SOS1: variants seen among roughly 807,000 people sequenced by gnomAD.
The protein encoded by SOS1 is son of sevenless homolog 1.
SOS1 carries 25 observed loss-of-function variants against 157.6 expected under a neutral mutation model. The ratio of observed to expected loss-of-function variants is 0.16; its 90% CI spans 0.12 to 0.22. The LOEUF (loss-of-function observed/expected upper bound fraction) is 0.22, where lower values mean the gene tolerates loss of function less well. Among genes scored for constraint, SOS1 ranks in the 10% least tolerant of loss-of-function variants. The probability of loss-of-function intolerance (pLI) is 1.00; values close to 1 mark genes in which losing one functional copy is unlikely to be tolerated. For missense variants in SOS1, 1,237 were observed against 1,599.1 expected, an observed-to-expected ratio of 0.77 and a Z score of 3.86; for synonymous variants, 528 against 534.0, an observed-to-expected ratio of 0.99 and a Z score of 0.16.
At chr2:39,023,630 C>T (rs10166801) in intron 9 of SOS1, 222,175 of 239,454 alleles carry the variant, frequency 0.93, 103,280 homozygotes, top group African/African-American at 0.97. Context: ...ATATTATAAT[C>T]AGGAAAGTGG....
At chr2:39,023,764 C>G in intron 9 of SOS1, 1 of 457,008 alleles carries the variant, frequency 2.2e-6, no homozygotes, top group Non-Finnish European at 3.9e-6. Flanking sequence ...TACTCTGTCT[C>G]TCCTTCAGCT....
chr2:39,051,115 C>T, intron 6 of SOS1, 29 bp downstream of exon 6: 1 of 1,609,858 alleles, frequency 6.2e-7, no homozygotes, highest in Non-Finnish European at 8.5e-7. Context: ...TTTATGCAGA[C>T]TTTTCGGGTA....
intron 1 of SOS1, among the ~76,000 whole-genome samples, chr2:39,078,667 A>C (rs935282025): frequency 1.3e-5 from 2 of 152,132 alleles, no homozygotes; most frequent in African/African-American, 4.8e-5. Flanking sequence ...ACCTTATGAG[A>C]ATCTAATGCC....
At chr2:39,032,626 A>G (rs1209991700) in intron 8 of SOS1, among the ~76,000 whole-genome samples, 1 of 152,194 alleles carries the variant, frequency 6.6e-6, no homozygotes, top group East Asian at 1.9e-4. Context: ...GGCAGACAAT[A>G]AAAATGGAAC....
intron 10 of SOS1, among the ~76,000 whole-genome samples, chr2:39,018,691 G>T (rs1206212377): frequency 6.6e-6 from 1 of 151,580 alleles, no homozygotes; most frequent in Non-Finnish European, 1.5e-5. Flanking sequence ...AATGAAATTT[G>T]TATTTATTAC....
chr2:39,015,019 T>G (rs1050136018), intron 10 of SOS1, among the ~76,000 whole-genome samples, 173 bp from the exon 11 acceptor site: 12 of 152,082 alleles, frequency 7.9e-5, no homozygotes, highest in African/African-American at 2.4e-4. Context: ...CCTCCTAAAT[T>G]AGTGGTGATA....
At chr2:38,990,630 T>C (rs1668703634) in intron 20 of SOS1, among the ~76,000 whole-genome samples, 2 of 152,094 alleles carry the variant, frequency 1.3e-5, no homozygotes, top group African/African-American at 4.8e-5. Flanking sequence ...CTCAAGAACA[T>C]GATAGTACAC....
intron 1 of SOS1, among the ~76,000 whole-genome samples, chr2:39,115,404 CTCTT>C (rs1300946400): frequency 1.7e-4 from 17 of 97,500 alleles, no homozygotes; most frequent in East Asian, 9.8e-4. Context: ...TTTGTTCTCT[CTCTT>C]TTTTTTTTTT....
At chr2:39,109,103 G>A (rs1221704545) in intron 1 of SOS1, among the ~76,000 whole-genome samples, 2 of 152,198 alleles carry the variant, frequency 1.3e-5, no homozygotes, top group African/African-American at 2.4e-5. Context: ...GAAGGCTAAG[G>A]TGGGAGGATT....
intron 19 of SOS1, among the ~76,000 whole-genome samples, chr2:38,995,924 A>G (rs1423932680): frequency 6.6e-6 from 1 of 152,186 alleles, no homozygotes; most frequent in African/African-American, 2.4e-5. Context: ...ATTGGATCAG[A>G]TTATATACCT....
intron 8 of SOS1, among the ~76,000 whole-genome samples, chr2:39,030,070 G>A (rs1284968424): frequency 1.3e-5 from 2 of 151,954 alleles, no homozygotes; most frequent in Non-Finnish European, 2.9e-5. Flanking sequence ...TACTTGTGAG[G>A]CTGAGGAATC....
intron 20 of SOS1, chr2:38,993,720 G>A (rs1668801827): frequency 6.6e-6 from 1 of 152,168 alleles, no homozygotes; most frequent in South Asian, 2.1e-4. Context: ...TGACAAACCA[G>A]AAATTCTAAC....
At chr2:39,122,812 G>A (rs1199916014), upstream of SOS1, among the ~76,000 whole-genome samples, 1 of 151,856 alleles carries the variant, frequency 6.6e-6, no homozygotes, top group Non-Finnish European at 1.5e-5. Flanking sequence ...CCAAAATGCT[G>A]TGATTACAAG....
chr2:39,045,007 ATTAC>A (rs1254391419), intron 6 of SOS1, among the ~76,000 whole-genome samples: 3 of 152,152 alleles, frequency 2.0e-5, no homozygotes, highest in Non-Finnish European at 2.9e-5. Flanking sequence ...GATTCCCTAT[ATTAC>A]TTCTATCTAA....
chr2:39,005,975 A>G (rs1367719396), intron 17 of SOS1, among the ~76,000 whole-genome samples: 1 of 152,120 alleles, frequency 6.6e-6, no homozygotes, highest in Admixed American at 6.5e-5. Context: ...CTGATGCAGA[A>G]GGGGAAAAAT....
At chr2:39,046,144 G>C (rs1413982777) in intron 6 of SOS1, among the ~76,000 whole-genome samples, 1 of 151,888 alleles carries the variant, frequency 6.6e-6, no homozygotes, top group East Asian at 1.9e-4. Context: ...CATTGTTTTT[G>C]TTTGCTTCAT....
intron 1 of SOS1, among the ~76,000 whole-genome samples, chr2:39,089,163 A>G (rs920625187): frequency 3.9e-5 from 6 of 152,194 alleles, no homozygotes; most frequent in Non-Finnish European, 8.8e-5. Context: ...CACTGATTCA[A>G]TATTAGGCAG....
chr2:39,039,136 T>A (rs1386007385), intron 6 of SOS1, among the ~76,000 whole-genome samples: 1 of 152,212 alleles, frequency 6.6e-6, no homozygotes, highest in Non-Finnish European at 1.5e-5. Flanking sequence ...GGTATATATG[T>A]TGTTTTAGAC....
At chr2:39,032,884 G>C (rs760412771) in intron 8 of SOS1, among the ~76,000 whole-genome samples, 2 of 152,004 alleles carry the variant, frequency 1.3e-5, no homozygotes, top group Non-Finnish European at 2.9e-5. Flanking sequence ...AGAATCGCTC[G>C]AAGCTGGGAG....
Sources: allele counts gnomAD v4.1 joint callset (sites outside exome capture counted in the v4.1 genomes callset), GRCh38; gene constraint gnomAD v4.1.1; transcripts MANE v1.5; gene names NCBI Gene and HGNC (gene_info 2026-07-23, HGNC 2026-07-21).